CLCN3: variants seen among roughly 807,000 people sequenced by gnomAD.
CLCN3 encodes Cl-/H+ antiporter 3, also known as H(+)/Cl(-) exchange transporter 3.
A neutral mutation model predicts 83.4 loss-of-function variants in CLCN3; 16 were observed. The ratio of observed to expected loss-of-function variants is 0.19; its 90% CI spans 0.13 to 0.29. The LOEUF (loss-of-function observed/expected upper bound fraction) is 0.29. Ranked by LOEUF, CLCN3 falls within the 10% of genes least tolerant of loss-of-function variation. CLCN3 has a pLI of 1.00. For missense variants in CLCN3, 544 were observed against 1,006.0 expected (o/e 0.54, Z 6.21); for synonymous variants, 322 against 346.2 (o/e 0.93, Z 0.78).
At chr4:169,701,873 G>A (rs1732797215) in intron 9 of CLCN3, among the ~76,000 whole-genome samples, 1 of 152,120 alleles carries the variant, frequency 6.6e-6, no homozygotes, top group African/African-American at 2.4e-5. Context: ...TTCTTTTGGG[G>A]TGAGTTGCCC....
At chr4:169,648,969 G>A (rs1730655848) in intron 2 of CLCN3, among the ~76,000 whole-genome samples, 1 of 150,590 alleles carries the variant, frequency 6.6e-6, no homozygotes, top group Non-Finnish European at 1.5e-5. Context: ...AGAGGTTGCA[G>A]TAAGCTGAGA....
At chr4:169,713,407 C>T (rs1162581038) in intron 12 of CLCN3, 112 bp downstream of exon 12, 14 of 771,396 alleles carry the variant, frequency 1.8e-5, no homozygotes, top group Non-Finnish European at 3.1e-5. Context: ...GTGGGAAAGT[C>T]TGTCCTATGG....
chr4:169,658,148 C>CCT (rs1476754629), intron 2 of CLCN3, among the ~76,000 whole-genome samples: 13 of 151,934 alleles, frequency 8.6e-5, no homozygotes, highest in Non-Finnish European at 1.6e-4. Context: ...TACTCCTCAA[C>CCT]CTCTCTACCT....
chr4:169,686,597 A>C (rs1732168384), intron 3 of CLCN3, among the ~76,000 whole-genome samples: 1 of 152,024 alleles, frequency 6.6e-6, no homozygotes, highest in Non-Finnish European at 1.5e-5. Context: ...CTGTATTTTT[A>C]GTAGAGAAGG....
chr4:169,628,899 G>A (rs1773298949), intron 1 of CLCN3, among the ~76,000 whole-genome samples: 1 of 152,186 alleles, frequency 6.6e-6, no homozygotes, highest in South Asian at 2.1e-4. Flanking sequence ...CAAGCCAGAT[G>A]TTCTTCAGTG....
chr4:169,665,980 GTTTT>G (rs71590023), intron 2 of CLCN3, among the ~76,000 whole-genome samples: 3 of 145,036 alleles, frequency 2.1e-5, no homozygotes, highest in African/African-American at 2.5e-5. Flanking sequence ...AGGTTGTGTT[GTTTT>G]TTTTTTTTTA....
chr4:169,648,703 A>C (rs978034558), intron 2 of CLCN3, among the ~76,000 whole-genome samples: 3 of 152,208 alleles, frequency 2.0e-5, no homozygotes, highest in African/African-American at 7.2e-5. Context: ...AAAAAAAGTT[A>C]CAACTGTGAT....
At chr4:169,717,858 C>G (rs768049356) in intron 12 of CLCN3, 1 of 1,610,494 alleles carries the variant, frequency 6.2e-7, no homozygotes, top group Non-Finnish European at 8.5e-7. Context: ...AGCAGCACGT[C>G]GAACCCTTGG....
intron 12 of CLCN3, among the ~76,000 whole-genome samples, chr4:169,715,947 G>A (rs1733407279): frequency 6.6e-6 from 1 of 152,100 alleles, no homozygotes; most frequent in Admixed American, 6.5e-5. Flanking sequence ...ATGAGGGGAT[G>A]GGTAATAGGA....
intron 2 of CLCN3, among the ~76,000 whole-genome samples, chr4:169,673,281 G>A (rs1349981456): frequency 2.0e-5 from 3 of 152,142 alleles, no homozygotes; most frequent in Non-Finnish European, 2.9e-5. Context: ...TTGCTGAATC[G>A]TTGTGTAAAT....
In CLCN3 at chr4:169,722,732, A is replaced by C. The variant is rs1398005706; in HGVS notation, c.*2735A>C. 6.6e-6 allele frequency: 1 copy of C among 152,198 alleles called. No individual in the cohort carries two copies. Among genetic ancestry groups the C allele is most frequent in the Non-Finnish European group, 1.5e-5 (1 of 68,026 alleles). The allele number at this position is 152,198 out of a possible 1,614,324, so 9.4% of individuals were successfully genotyped here. ...TGTTTTTTGGTATATTTCTATCCCT[A>C]GTATTTCTATCTTACTGCTAAAATA... On this transcript the variant is annotated 3_prime_UTR_variant, in exon 13 of 13. Coordinates refer to ENST00000513761, the MANE Select transcript of CLCN3 (RefSeq NM_001829.4).
chr4:169,673,441 G>T (rs375189402), intron 2 of CLCN3, among the ~76,000 whole-genome samples: 1 of 152,096 alleles, frequency 6.6e-6, no homozygotes, highest in African/African-American at 2.4e-5. Context: ...TTCGTCATTC[G>T]TAAGTCTTTG....
At chr4:169,705,610 CT>C (rs1222441409) in intron 10 of CLCN3, among the ~76,000 whole-genome samples, 1 of 152,080 alleles carries the variant, frequency 6.6e-6, no homozygotes, top group African/African-American at 2.4e-5. Flanking sequence ...AAAAACAAGT[CT>C]TTGTAAACTG....
At chr4:169,621,882 A>T (rs1477109181) in intron 1 of CLCN3, among the ~76,000 whole-genome samples, 1 of 152,208 alleles carries the variant, frequency 6.6e-6, no homozygotes, top group Non-Finnish European at 1.5e-5. Context: ...TCAGTTCAGG[A>T]GTACATATGG....
intron 2 of CLCN3, among the ~76,000 whole-genome samples, chr4:169,669,627 T>C (rs1731383246): frequency 6.6e-6 from 1 of 152,250 alleles, no homozygotes; most frequent in Non-Finnish European, 1.5e-5. Flanking sequence ...AACTTTTAAG[T>C]GTGGCTAGTA....
At chr4:169,626,034 C>G (rs1185223973) in intron 1 of CLCN3, among the ~76,000 whole-genome samples, 1 of 152,214 alleles carries the variant, frequency 6.6e-6, no homozygotes, top group Admixed American at 6.5e-5. Context: ...AGACTTCCCC[C>G]ACTTCCAGTG....
At position 169,635,894 on chromosome 4, in the gene CLCN3, T is replaced by G; in HGVS notation, c.-16-19T>G. ...TTGTATGTTTGAAAAATGTTAAAAC[T>G]ACTTTTTCCCCCCCACAGATAATCA... On this transcript the variant is annotated intron_variant, in intron 1 of 12. Transcript: ENST00000513761. The G allele has an allele frequency of 6.6e-7, 1 of 1,505,326 alleles. No individual in the cohort carries two copies. Among genetic ancestry groups the G allele is most frequent in the Non-Finnish European group, 8.9e-7 (1 of 1,123,282 alleles). The allele number at this position is 1,505,326 out of a possible 1,614,324, so 93.2% of individuals were successfully genotyped here. A position where few individuals can be genotyped will look rare whatever the true frequency, so the allele number is the denominator to read the frequency against.
At chr4:169,672,979 A>G (rs1445801516) in intron 2 of CLCN3, among the ~76,000 whole-genome samples, 1 of 152,188 alleles carries the variant, frequency 6.6e-6, no homozygotes, top group Non-Finnish European at 1.5e-5. Flanking sequence ...TATATCTTAC[A>G]CAAATCTAGG....
intron 2 of CLCN3, among the ~76,000 whole-genome samples, chr4:169,646,374 C>T (rs1272733142): frequency 1.3e-5 from 2 of 152,134 alleles, no homozygotes; most frequent in Non-Finnish European, 2.9e-5. Context: ...CTCTGCCTCC[C>T]AGGTGGAGTG....
Sources: gnomAD v4.1 joint callset for allele counts (sites outside exome capture counted in the v4.1 genomes callset) on GRCh38, gnomAD v4.1.1 for gene constraint, MANE v1.5 for transcripts, NCBI Gene and HGNC (gene_info 2026-07-23, HGNC 2026-07-21) for gene names.